The following TRPV4 variants were observed in gnomAD, a reference collection of about 807,000 sequenced individuals.
TRPV4 encodes the protein OSM9-like transient receptor potential channel 4.
A neutral mutation model predicts 84.1 loss-of-function variants in TRPV4; 58 were observed. That is an observed-to-expected ratio of 0.69 (90% CI 0.56 to 0.86). The LOEUF (loss-of-function observed/expected upper bound fraction) is 0.86, where lower values mean the gene tolerates loss of function less well. Among genes scored for constraint, TRPV4 ranks in the 40% least tolerant of loss-of-function variants. TRPV4 has a pLI of 0.00. For synonymous variants in TRPV4, 489 were observed against 500.9 expected, an observed-to-expected ratio of 0.98 and a Z score of 0.32; for missense variants, 879 against 1,181.1, an observed-to-expected ratio of 0.74 and a Z score of 3.75.
Position 109,800,412 on chromosome 12 carries a change from T to TTC in TRPV4, c.853+205_853+206insGA, listed in dbSNP as rs34599423. Among the ~76,000 whole-genome samples, 90,165 of 151,660 alleles carry TTC rather than the reference T, an allele frequency of 0.59. 27,727 individuals are homozygous for TTC. Among genetic ancestry groups the TTC allele is most frequent in the East Asian group, 0.96 (4,894 of 5,124 alleles). ...GGATCTGAATCCAGGTCCATGGTAC[T>TTC]CCCCATGGCACTTACACCTCAGAGG... On this transcript the variant is annotated intron_variant, in intron 5 of 15. Coordinates refer to ENST00000261740, the MANE Select transcript of TRPV4 (RefSeq NM_021625.5).
chr12:109,806,420 G>C (rs962592192), intron 3 of TRPV4, among the ~76,000 whole-genome samples: 1 of 149,022 alleles, frequency 6.7e-6, no homozygotes, highest in African/African-American at 2.5e-5. Flanking sequence ...GGCAAGGCTG[G>C]TCTCAAACTC....
intron 1 of TRPV4, among the ~76,000 whole-genome samples, chr12:109,816,089 C>T (rs1214809993): frequency 6.6e-6 from 1 of 152,252 alleles, no homozygotes; most frequent in Non-Finnish European, 1.5e-5. Context: ...TCACCCTTCC[C>T]ACCCAATACG....
chr12:109,784,576 T>C (rs1335364484), intron 14 of TRPV4, 139 bp from the exon 15 acceptor site: 1 of 1,334,416 alleles, frequency 7.5e-7, no homozygotes, highest in Non-Finnish European at 1.0e-6. Context: ...ATGCCTGCAA[T>C]CCCAGCACTT....
In TRPV4 at chr12:109,798,630, T is replaced by C. The variant is rs1890568784; in HGVS notation, c.1136A>G (p.Lys379Arg). 1.2e-6 allele frequency: 2 copies of C among 1,612,530 alleles called. No individual in the cohort carries two copies. Among genetic ancestry groups the C allele is most frequent in the Non-Finnish European group, 1.7e-6 (2 of 1,180,020 alleles). Reference protein sequence around the residue: ...DGLSPLMMAAKTGKIGIFQHI... With the variant: ...DGLSPLMMAARTGKIGIFQHI... ...CACACTCACCCCAATCTTGCCCGTCTTGGCAGCCATCATGAGGGGCGAGAG... is the reference window on the plus strand; with the variant it reads ...CACACTCACCCCAATCTTGCCCGTCCTGGCAGCCATCATGAGGGGCGAGAG... Residue 379 changes from lysine (K) to arginine (R), a missense_variant, in exon 6 of 16, where the codon AAG becomes AGG. Physicochemically the swap from Lys to Arg is conservative, Grantham distance 26. This residue lies in a region of TRPV4 where 521 missense variants were observed against 686.6 expected (regional missense o/e 0.76). Coordinates refer to ENST00000261740, the MANE Select transcript of TRPV4 (RefSeq NM_021625.5). This position sits in a 1 kb window ranked among gnomAD's most constrained non-coding sequence, Gnocchi z 5.0.
chr12:109,794,982 C>T (rs566245936), intron 7 of TRPV4, among the ~76,000 whole-genome samples: 3 of 152,320 alleles, frequency 2.0e-5, no homozygotes, highest in East Asian at 3.9e-4. Flanking sequence ...CGCACTACTG[C>T]ACTCCAGCCT....
intron 12 of TRPV4, among the ~76,000 whole-genome samples, chr12:109,791,077 T>C (rs768911656): frequency 7.9e-5 from 12 of 152,286 alleles, no homozygotes; most frequent in East Asian, 1.9e-4. Flanking sequence ...AGCTGACCCA[T>C]TGACTCATAA....
chr12:109,829,011 C>G (rs1256402482), intron 1 of TRPV4, among the ~76,000 whole-genome samples: 1 of 151,928 alleles, frequency 6.6e-6, no homozygotes, highest in African/African-American at 2.4e-5. Flanking sequence ...ATAGTGAGAC[C>G]CCTGTCTGAA....
intron 13 of TRPV4, among the ~76,000 whole-genome samples, chr12:109,787,947 T>C (rs1889792582): frequency 6.6e-6 from 1 of 152,170 alleles, no homozygotes; most frequent in Admixed American, 6.5e-5. Flanking sequence ...CCTGTCCCCA[T>C]TGGTTTCTCC....
rs1355154703 is a variant in TRPV4 at position 109,800,400 on chromosome 12, G to A, written c.853+218C>T. Among the ~76,000 whole-genome samples, 9 of 86,648 alleles carry A rather than the reference G, an allele frequency of 1.0e-4. 1 individual carries two copies. Among genetic ancestry groups the A allele is most frequent in the Admixed American group, 8.7e-4 (6 of 6,914 alleles). The allele number at this position is 86,648 out of a possible 152,430, so 56.8% of individuals were successfully genotyped here. On this transcript the variant is annotated intron_variant, in intron 5 of 15. Coordinates refer to ENST00000261740, the MANE Select transcript of TRPV4 (RefSeq NM_021625.5). ...TGGCTGGAGTGAGGATCTGAATCCA[G>A]GTCCATGGTACTCCCCATGGCACTT...
At chr12:109,785,104 C>G (rs1889607222) in intron 14 of TRPV4, among the ~76,000 whole-genome samples, 1 of 152,076 alleles carries the variant, frequency 6.6e-6, no homozygotes, top group African/African-American at 2.4e-5. Context: ...TCACTGCAAC[C>G]TTGACCTCCC....
chr12:109,823,249 C>T (rs887765514), intron 1 of TRPV4, among the ~76,000 whole-genome samples: 2 of 152,220 alleles, frequency 1.3e-5, no homozygotes, highest in Non-Finnish European at 2.9e-5. Context: ...GCACAGTGGC[C>T]GCCTGTCCAG....
rs1399246781 is a variant in TRPV4, at chr12:109,794,395, C to T, written c.1425G>A (p.Val475=). 4 of 1,613,822 alleles carry T rather than the reference C, an allele frequency of 2.5e-6. No homozygotes were observed. The highest frequency in any genetic ancestry group is 3.4e-6 in the Non-Finnish European group (4 of 1,180,044). The change falls in exon 8 of 16, where the codon GTG becomes GTA. Residue 475 remains valine, a synonymous_variant. Transcript: ENST00000261740. The stretch of plus-strand genomic sequence containing the variant: ...TGACCATGGCACACAGGTAGGAGAC[C>T]ACGTTGATGTAGAAGGAGACGGCCC... ...KFGAVSFYIN[V]VSYLCAMVIF... is the part of the protein sequence containing the mutation.
chr12:109,788,440 C>T lies in TRPV4; in HGVS notation c.2168G>A (p.Gly723Asp). The T allele has an allele frequency of 6.2e-7, 1 of 1,614,190 alleles. No individual in the cohort carries two copies. The highest frequency in any genetic ancestry group is 8.5e-7 in the Non-Finnish European group (1 of 1,180,044). ...GTGCTTGCTCTCCTTGGAGACCTGG[C>T]CCACTGTCTCGCCCATGAGGGCAAT... ...MLIALMGETVGQVSKESKHIW... is the reference protein window; with the variant it reads ...MLIALMGETVDQVSKESKHIW... The change falls in exon 13 of 16, where the codon GGC becomes GAC. Residue 723 changes from glycine (G) to aspartate (D), a missense_variant. Gly to Asp is a moderately conservative substitution (Grantham distance 94). Transcript: ENST00000261740.
chr12:109,829,195 A>C (rs1449500844), intron 1 of TRPV4, among the ~76,000 whole-genome samples: 1 of 151,846 alleles, frequency 6.6e-6, no homozygotes, highest in Non-Finnish European at 1.5e-5. Flanking sequence ...TAAAAAAAAA[A>C]GTGAACAACA....
At chr12:109,811,381 G>A (rs1891503758) in intron 2 of TRPV4, among the ~76,000 whole-genome samples, 1 of 152,226 alleles carries the variant, frequency 6.6e-6, no homozygotes, top group Admixed American at 6.5e-5. Context: ...CCACTGGCTG[G>A]GTGCGGTGGC....
At position 109,786,578 on chromosome 12, in the gene TRPV4, C is replaced by T. The variant is rs1889696255; in HGVS notation, c.2336+132G>A. 2.5e-6 allele frequency: 3 copies of T among 1,213,456 alleles called. No homozygotes were observed. Among genetic ancestry groups the T allele is most frequent in the Admixed American group, 4.1e-5 (2 of 48,422 alleles). The allele number at this position is 1,213,456 out of a possible 1,614,324, so 75.2% of individuals were successfully genotyped here. On this transcript the variant is annotated intron_variant, in intron 14 of 15. Coordinates refer to ENST00000261740, the MANE Select transcript of TRPV4 (RefSeq NM_021625.5). The surrounding 1 kb of genome is among the most constrained non-coding windows in gnomAD (Gnocchi z 4.5). Reference sequence around the variant, plus strand: ...CCTGAGATCGCCTGGTGGAAATGAACTCTGCTCGGGCCTCTTGGGGCCTCA... The same window carrying T: ...CCTGAGATCGCCTGGTGGAAATGAATTCTGCTCGGGCCTCTTGGGGCCTCA...
In TRPV4 at chr12:109,783,543, G is replaced by C; in HGVS notation, c.*78C>G. ...CTGGGGCCAAAGCAGGGTGTGGGGG[G>C]ACACCCCAGAAGGCACTGCTGAAAT... On this transcript the variant is annotated 3_prime_UTR_variant, in exon 16 of 16. Transcript: ENST00000261740. The surrounding 1 kb of genome is among the most constrained non-coding windows in gnomAD (Gnocchi z 4.6). 1.9e-6 allele frequency: 3 copies of C among 1,544,350 alleles called. No individual in the cohort carries two copies. The highest frequency in any genetic ancestry group is 1.9e-4 in the Middle Eastern group (1 of 5,354).
chr12:109,801,148 A>G (rs992797120), intron 4 of TRPV4, among the ~76,000 whole-genome samples: 2 of 152,202 alleles, frequency 1.3e-5, no homozygotes, highest in Non-Finnish European at 2.9e-5. Flanking sequence ...TCCCATCTCT[A>G]TAGAAATGCT....
intron 13 of TRPV4, among the ~76,000 whole-genome samples, chr12:109,787,245 G>C (rs1378512100): frequency 1.3e-5 from 2 of 152,134 alleles, no homozygotes; most frequent in Admixed American, 1.3e-4. Flanking sequence ...CAGAAATCTG[G>C]GTTTTCATAG....
Sources: allele counts gnomAD v4.1 joint callset (sites outside exome capture counted in the v4.1 genomes callset), GRCh38; gene constraint gnomAD v4.1.1; regional missense constraint gnomAD v4.1.1; non-coding constraint Gnocchi (gnomAD v3.1); transcripts MANE v1.5; gene names NCBI Gene and HGNC (gene_info 2026-07-23, HGNC 2026-07-21).